The following C8orf76 variants were observed in gnomAD, a reference collection of about 807,000 sequenced individuals.
The protein encoded by C8orf76 is uncharacterized protein C8orf76.
A neutral mutation model predicts 38.1 loss-of-function variants in C8orf76; 46 were observed. The observed-to-expected ratio is 1.21, with a 90% confidence interval of 0.95 to 1.54. C8orf76 has a LOEUF of 1.54. Ranked by LOEUF, C8orf76 falls within the 40% of genes most tolerant of loss-of-function variation. The probability of loss-of-function intolerance (pLI) is 0.00; values close to 1 mark genes in which losing one functional copy is unlikely to be tolerated. For missense variants in C8orf76, 461 were observed against 441.6 expected (o/e 1.04, Z -0.39); for synonymous variants, 166 against 167.5 (o/e 0.99, Z 0.07).
At position 123,231,705 on chromosome 8, in the gene C8orf76, A is replaced by G. The variant is rs1825277513; in HGVS notation, c.410T>C (p.Leu137Pro). The G allele has an allele frequency of 6.2e-7, 1 of 1,613,000 alleles. No individual in the cohort carries two copies. The highest frequency in any genetic ancestry group is 1.7e-5 in the Admixed American group (1 of 60,018). The change falls in exon 4 of 6, where the codon CTT becomes CCT. Residue 137 changes from leucine to proline, a missense_variant. Physicochemically the swap from Leu to Pro is moderately conservative, Grantham distance 98. Coordinates refer to ENST00000276704, the MANE Select transcript of C8orf76 (RefSeq NM_032847.3). Reference protein sequence around the residue: ...DHLTTVLYLQLAICSSLQNLE... With the variant: ...DHLTTVLYLQPAICSSLQNLE... ...GTTCTGCAAACTTGAACAAATAGCA[A>G]GCTGGAGGTAGAGTACCGTGGTTAA... is the stretch of plus-strand genomic sequence containing the variant.
rs760312235 is a variant in C8orf76, at chr8:123,237,859, T to C, written c.296A>G (p.Gln99Arg). The change falls in exon 3 of 6, where the codon CAG (glutamine) becomes CGG (arginine). Residue 99 changes from glutamine (Q) to arginine (R), a missense_variant. Physicochemically the swap from Gln to Arg is conservative, Grantham distance 43 (BLOSUM62 1). Coordinates refer to ENST00000276704, the MANE Select transcript of C8orf76 (RefSeq NM_032847.3). ...ACCCAGGTGAGCCAGACACCGAGCC[T>C]GACCTTCCTGGACATCCCTTTTCAT... ...FAMKRDVQEG[Q>R]ARCLAHLGRH... 3.1e-6 allele frequency: 5 copies of C among 1,614,186 alleles called. No homozygotes were observed. The East Asian group carries it at 1.1e-4, about 36-fold the overall frequency.
rs755485131 is a variant in C8orf76 at position 123,239,100 on chromosome 8, C to G, written c.162G>C (p.Leu54=). ...ETESSDDVEV[L]TLKKFKGDLA... The stretch of plus-strand genomic sequence containing the variant: ...GGTCTCCTTTGAATTTCTTGAGAGT[C>G]AGCACTTCAACATCATCACTGCTTT... The change falls in exon 2 of 6, where the codon CTG becomes CTC. Residue 54 remains leucine, a synonymous_variant. Coordinates refer to ENST00000276704, the MANE Select transcript of C8orf76 (RefSeq NM_032847.3). The G allele has an allele frequency of 9.3e-6, 15 of 1,614,016 alleles. No homozygotes were observed. The highest frequency in any genetic ancestry group is 1.3e-5 in the Non-Finnish European group (15 of 1,180,020).
At chr8:123,231,200 C>T (rs960074746) in intron 4 of C8orf76, 100 bp downstream of exon 4, 1 of 1,402,962 alleles carries the variant, frequency 7.1e-7, no homozygotes, top group East Asian at 2.4e-5. Context: ...AAAATATATA[C>T]CAAATGTCTA....
Position 123,231,318 on chromosome 8 carries a change from G to T in C8orf76, c.797C>A (p.Ala266Asp). ...AGCTTACCTGGTTCGTATAAAAGAGGCACATGCTTTCAGCTGAGTCTCTAT... is the reference window on the plus strand; with the variant it reads ...AGCTTACCTGGTTCGTATAAAAGAGTCACATGCTTTCAGCTGAGTCTCTAT... The part of the protein sequence containing the change: ...VLIETQLKAC[A>D]SFIRTRLLLQ... Residue 266 changes from alanine (A) to aspartate (D), a missense_variant, in exon 4 of 6, where the codon GCC (alanine) becomes GAC (aspartate). Physicochemically the swap from Ala to Asp is moderately radical, Grantham distance 126 (BLOSUM62 -2). Coordinates refer to ENST00000276704, the MANE Select transcript of C8orf76 (RefSeq NM_032847.3). 2 of 1,610,754 alleles carry T rather than the reference G, an allele frequency of 1.2e-6. No homozygotes were observed.
chr8:123,228,723 G>A (rs751302005), intron 4 of C8orf76, among the ~76,000 whole-genome samples: 1 of 151,754 alleles, frequency 6.6e-6, no homozygotes, highest in Non-Finnish European at 1.5e-5. Flanking sequence ...TCGGCACAAA[G>A]ACCAAACCCT....
At chr8:123,227,985 C>T (rs989560808) in intron 4 of C8orf76, among the ~76,000 whole-genome samples, 31 of 152,214 alleles carry the variant, frequency 2.0e-4, no homozygotes, top group African/African-American at 6.7e-4. Flanking sequence ...TCCAGGCACC[C>T]GCGACTCGGT....
chr8:123,229,341 A>AT (rs1241566742), intron 4 of C8orf76, among the ~76,000 whole-genome samples: 1 of 152,228 alleles, frequency 6.6e-6, no homozygotes, highest in East Asian at 1.9e-4. Flanking sequence ...ATCTAGTGGG[A>AT]TCCCAATAGG....
chr8:123,238,947 C>G, intron 2 of C8orf76, 102 bp downstream of exon 2: 1 of 1,201,040 alleles, frequency 8.3e-7, no homozygotes. Context: ...AAAGATTAAA[C>G]TCATCTTCAT....
rs73703784 is a variant in C8orf76 at position 123,237,463 on chromosome 8, A to G, written c.357+335T>C. ...CTGTTCATTGTAGAAATTTTGGAGA[A>G]CAACGTCTAAAAACAATCTAACGAA... On this transcript the variant is annotated intron_variant, in intron 3 of 5. Transcript: ENST00000276704. Among the ~76,000 whole-genome samples the G allele has an allele frequency of 5.5e-3, 840 of 152,324 alleles. 5 individuals carry two copies. Among genetic ancestry groups the G allele is most frequent in the African/African-American group, 0.019 (783 of 41,558 alleles).
At position 123,237,919 on chromosome 8, in the gene C8orf76, C is replaced by A; in HGVS notation, c.236G>T (p.Ser79Ile). The stretch of plus-strand genomic sequence containing the variant: ...GGTTGATGACAATTTTTCAGAGATA[C>A]TGGAATACTCCTGCAGTGCTTTCTG... Reference protein sequence around the residue: ...EYQKALQEYSSISEKLSSTNF... With the variant: ...EYQKALQEYSIISEKLSSTNF... Residue 79 changes from serine (S) to isoleucine (I), a missense_variant, in exon 3 of 6, where the codon AGT becomes ATT. Coordinates refer to ENST00000276704, the MANE Select transcript of C8orf76 (RefSeq NM_032847.3). The A allele has an allele frequency of 1.2e-6, 2 of 1,613,656 alleles. No homozygotes were observed. The highest frequency in any genetic ancestry group is 1.7e-6 in the Non-Finnish European group (2 of 1,179,872).
chr8:123,239,172 A>G (rs769391280), intron 1 of C8orf76, 28 bp from the exon 2 acceptor site: 1 of 1,606,842 alleles, frequency 6.2e-7, no homozygotes, highest in East Asian at 2.2e-5. Flanking sequence ...AGCCTATTAC[A>G]GAGTGAGCTA....
At chr8:123,240,508 T>G (rs1825645026) in intron 1 of C8orf76, among the ~76,000 whole-genome samples, 1 of 152,204 alleles carries the variant, frequency 6.6e-6, no homozygotes, top group African/African-American at 2.4e-5. Context: ...CTATTTACAC[T>G]CATGAAAGAA....
chr8:123,230,676 G>T (rs1030120771), intron 4 of C8orf76, among the ~76,000 whole-genome samples: 4 of 151,274 alleles, frequency 2.6e-5, no homozygotes, highest in Non-Finnish European at 5.9e-5. Context: ...TTTTGAGACG[G>T]AGTCTTGCCC....
Position 123,237,722 on chromosome 8 carries a change from G to A in C8orf76, c.357+76C>T, listed in dbSNP as rs899151691. On this transcript the variant is annotated intron_variant, in intron 3 of 5. Coordinates refer to ENST00000276704, the MANE Select transcript of C8orf76 (RefSeq NM_032847.3). The stretch of plus-strand genomic sequence containing the variant: ...AGATTTTGCTACTAGCAAGAAGTTT[G>A]TTTTGTTTTCAAAAAATACACCATT... The A allele has an allele frequency of 4.0e-6, 6 of 1,494,316 alleles. No individual in the cohort carries two copies. In the African/African-American group the frequency reaches 7.1e-5, roughly 18 times the overall value. The allele number at this position is 1,494,316 out of a possible 1,614,324, so 92.6% of individuals were successfully genotyped here.
chr8:123,241,138 C>T, intron 1 of C8orf76, 92 bp downstream of exon 1: 2 of 1,318,944 alleles, frequency 1.5e-6, no homozygotes, highest in South Asian at 1.5e-5. Context: ...GGTTTGCGTT[C>T]GCGCGGACGG....
chr8:123,236,788 A>G (rs1051434592), intron 3 of C8orf76: 6 of 539,100 alleles, frequency 1.1e-5, no homozygotes, highest in Admixed American at 6.1e-5. Context: ...TGTCTCAAAA[A>G]AAAAAAAAAA....
At chr8:123,236,539 A>G (rs1290648983) in intron 3 of C8orf76, among the ~76,000 whole-genome samples, 1 of 152,204 alleles carries the variant, frequency 6.6e-6, no homozygotes, top group African/African-American at 2.4e-5. Flanking sequence ...CTATAATCCC[A>G]GCACTTTGGG....
intron 5 of C8orf76, among the ~76,000 whole-genome samples, chr8:123,225,100 G>A (rs964163065): frequency 2.6e-5 from 4 of 152,112 alleles, no homozygotes; most frequent in Non-Finnish European, 5.9e-5. Context: ...CCACCTCCCG[G>A]GTTCAAGCAA....
At chr8:123,235,411 C>A (rs1478080514) in intron 3 of C8orf76, among the ~76,000 whole-genome samples, 1 of 152,066 alleles carries the variant, frequency 6.6e-6, no homozygotes, top group African/African-American at 2.4e-5. Flanking sequence ...CACAAAAAAA[C>A]AGATATGGGC....
Sources: gnomAD v4.1 joint callset for allele counts (sites outside exome capture counted in the v4.1 genomes callset) on GRCh38, gnomAD v4.1.1 for gene constraint, MANE v1.5 for transcripts, NCBI Gene and HGNC (gene_info 2026-07-23, HGNC 2026-07-21) for gene names.